The following DUS2 variants were observed in gnomAD, a reference collection of about 807,000 sequenced individuals.
DUS2 encodes the protein tRNA-dihydrouridine(20) synthase [NAD(P)+]-like.
DUS2 carries 52 observed loss-of-function variants against 71.3 expected under a neutral mutation model. That is an observed-to-expected ratio of 0.73 (90% CI 0.58 to 0.92). DUS2 has a LOEUF of 0.92. Ranked by LOEUF, DUS2 falls within the 40% of genes least tolerant of loss-of-function variation. The pLI, the probability that DUS2 is intolerant of heterozygous loss-of-function variation, is 0.00. For synonymous variants in DUS2, 204 were observed against 227.8 expected (o/e 0.90, Z 0.94); for missense variants, 558 against 622.6 (o/e 0.90, Z 1.10).
chr16:68,035,084 T>C (rs1403680844), intron 2 of DUS2, among the ~76,000 whole-genome samples: 1 of 152,110 alleles, frequency 6.6e-6, no homozygotes, highest in Non-Finnish European at 1.5e-5. Flanking sequence ...TCCTGTTGGC[T>C]CTCCCTTCAG....
intron 7 of DUS2, among the ~76,000 whole-genome samples, chr16:68,060,229 T>A (rs144930539): frequency 5.7e-4 from 87 of 152,066 alleles, no homozygotes; most frequent in African/African-American, 1.9e-3. Context: ...GGTTAGGGAG[T>A]GGGCAGTCTT....
At chr16:68,029,249 A>C (rs2033403155) in intron 2 of DUS2, among the ~76,000 whole-genome samples, 1 of 151,768 alleles carries the variant, frequency 6.6e-6, no homozygotes, top group South Asian at 2.1e-4. Context: ...AAATCTAACA[A>C]ATCATTTTTA....
At chr16:68,074,281 G>GTGA (rs2034128075) in intron 13 of DUS2, 126 bp downstream of exon 13, 2 of 1,261,730 alleles carry the variant, frequency 1.6e-6, no homozygotes, top group African/African-American at 1.5e-5. Context: ...GAGGAGTGGA[G>GTGA]TGATGGTACA....
At chr16:68,039,123 A>G (rs950237266) in intron 3 of DUS2, among the ~76,000 whole-genome samples, 3 of 152,114 alleles carry the variant, frequency 2.0e-5, no homozygotes, top group Non-Finnish European at 4.4e-5. Flanking sequence ...ATTGGCGGAA[A>G]ACAAACCCTT....
At chr16:68,077,769 T>C (rs2034179110) in intron 15 of DUS2, among the ~76,000 whole-genome samples, 1 of 152,072 alleles carries the variant, frequency 6.6e-6, no homozygotes, top group Admixed American at 6.5e-5. Flanking sequence ...GTGGAAACCA[T>C]GAGATAGGCT....
intron 10 of DUS2, among the ~76,000 whole-genome samples, chr16:68,067,456 AT>A (rs1239160847): frequency 7.0e-6 from 1 of 142,772 alleles, no homozygotes; most frequent in Non-Finnish European, 1.5e-5. Flanking sequence ...TAATTTTTAT[AT>A]TTTTAGTAGA....
intron 2 of DUS2, among the ~76,000 whole-genome samples, chr16:68,033,661 T>G (rs1195247381): frequency 1.4e-5 from 2 of 145,182 alleles, no homozygotes; most frequent in Non-Finnish European, 3.0e-5. Flanking sequence ...TTTTTTTATA[T>G]AGAGTCTTGC....
intron 12 of DUS2, among the ~76,000 whole-genome samples, chr16:68,071,320 C>T (rs1773790598): frequency 6.6e-6 from 1 of 152,228 alleles, no homozygotes; most frequent in African/African-American, 2.4e-5. Flanking sequence ...ATACCCCTAC[C>T]ATCTCCTAAA....
At chr16:68,066,000 T>A (rs2033999898) in intron 8 of DUS2, among the ~76,000 whole-genome samples, 1 of 152,180 alleles carries the variant, frequency 6.6e-6, no homozygotes, top group Non-Finnish European at 1.5e-5. Flanking sequence ...TTCTGGTATT[T>A]GTCCTGGCAA....
intron 5 of DUS2, 33 bp from the exon 6 acceptor site, chr16:68,054,541 G>C: frequency 1.2e-6 from 2 of 1,613,814 alleles, no homozygotes; most frequent in Non-Finnish European, 1.7e-6. Context: ...TCTGTGTCAG[G>C]GCAGTGGTTG....
chr16:68,057,769 T>C (rs1394709919), intron 7 of DUS2, among the ~76,000 whole-genome samples: 1 of 150,702 alleles, frequency 6.6e-6, no homozygotes, highest in Non-Finnish European at 1.5e-5. Context: ...TAATCCCAGC[T>C]ACTTGGGAGG....
intron 7 of DUS2, among the ~76,000 whole-genome samples, chr16:68,058,187 G>C (rs2033888408): frequency 6.6e-6 from 1 of 151,688 alleles, no homozygotes; most frequent in Non-Finnish European, 1.5e-5. Flanking sequence ...ACCTTGGTTG[G>C]TAAAAGATCA....
At chr16:68,024,484 T>G (rs913369864) in intron 1 of DUS2, among the ~76,000 whole-genome samples, 15 of 152,138 alleles carry the variant, frequency 9.9e-5, no homozygotes, top group African/African-American at 3.4e-4. Flanking sequence ...GGTAAATATT[T>G]ATGGATTAAC....
chr16:68,061,086 G>T lies in DUS2; in HGVS notation c.390G>T (p.Leu130=). The change falls in exon 8 of 17, where the codon CTG becomes CTT. Residue 130 remains leucine (L), a synonymous_variant. Coordinates refer to ENST00000565263, the MANE Select transcript of DUS2 (RefSeq NM_017803.5). Reference sequence around the variant, plus strand: ...CTTAGGGAGGAATGGGAGCTGCCCTGCTGTCAGACCCTGACAAGATTGAGA... The same window carrying T: ...CTTAGGGAGGAATGGGAGCTGCCCTTCTGTCAGACCCTGACAAGATTGAGA... ...YSTKGGMGAA[L]LSDPDKIEKI... is the part of the protein sequence containing the mutation. The T allele has an allele frequency of 2.5e-6, 4 of 1,614,050 alleles. No homozygotes were observed. The highest frequency in any genetic ancestry group is 3.4e-6 in the Non-Finnish European group (4 of 1,179,984).
At chr16:68,038,732 A>G (rs1283032451) in intron 3 of DUS2, among the ~76,000 whole-genome samples, 3 of 149,172 alleles carry the variant, frequency 2.0e-5, no homozygotes, top group Non-Finnish European at 4.5e-5. Flanking sequence ...TCCATCTCAA[A>G]AAAAAAAAAA....
At chr16:68,032,306 T>A (rs758234630) in intron 2 of DUS2, among the ~76,000 whole-genome samples, 2 of 152,144 alleles carry the variant, frequency 1.3e-5, no homozygotes, top group Non-Finnish European at 2.9e-5. Context: ...CTAAGCAGCC[T>A]CTAAAGGTCA....
At chr16:68,076,502 C>T (rs1332463913) in intron 14 of DUS2, 130 bp from the exon 15 acceptor site, 1 of 670,942 alleles carries the variant, frequency 1.5e-6, no homozygotes, top group Admixed American at 2.6e-5. Flanking sequence ...GTACAGAAGC[C>T]TTAAGGCAGC....
chr16:68,024,494 C>G (rs1370164263), intron 1 of DUS2, among the ~76,000 whole-genome samples: 1 of 152,164 alleles, frequency 6.6e-6, no homozygotes, highest in Non-Finnish European at 1.5e-5. Context: ...TATGGATTAA[C>G]TCTCTGGGAG....
chr16:68,054,946 G>T (rs2033831038), intron 6 of DUS2, among the ~76,000 whole-genome samples: 3 of 152,156 alleles, frequency 2.0e-5, no homozygotes, highest in Admixed American at 2.0e-4. Context: ...AGGAGGCTGA[G>T]GCAGAAGAAT....
Sources: gnomAD v4.1 joint callset for allele counts (sites outside exome capture counted in the v4.1 genomes callset) on GRCh38, gnomAD v4.1.1 for gene constraint, MANE v1.5 for transcripts, NCBI Gene and HGNC (gene_info 2026-07-23, HGNC 2026-07-21) for gene names.